Variants in CDK14 observed in about 807,000 individuals in gnomAD.
CDK14 encodes the protein cyclin-dependent kinase 14.
A neutral mutation model predicts 60.7 loss-of-function variants in CDK14; 34 were observed. The ratio of observed to expected loss-of-function variants is 0.56; its 90% confidence interval spans 0.43 to 0.75. The LOEUF (loss-of-function observed/expected upper bound fraction) is 0.75. Among genes scored for constraint, CDK14 ranks in the 30% least tolerant of loss-of-function variants. The pLI, the probability that CDK14 is intolerant of heterozygous loss-of-function variation, is 0.00. For synonymous variants in CDK14, 197 were observed against 203.7 expected, an observed-to-expected ratio of 0.97 and a Z score of 0.28; for missense variants, 482 against 564.1, an observed-to-expected ratio of 0.85 and a Z score of 1.47.
At position 90,726,718 on chromosome 7, in the gene CDK14, G is replaced by A. The variant is rs1453304812; in HGVS notation, c.275G>A (p.Arg92Lys). Residue 92 changes from arginine to lysine, a missense_variant, in exon 3 of 15, where the codon AGG becomes AAG. Arg to Lys is a conservative substitution (Grantham distance 26). Coordinates refer to ENST00000380050, the MANE Select transcript of CDK14 (RefSeq NM_001287135.2). Reference protein sequence around the residue: ...PFEKPANQVKRVHSENNACIN... With the variant: ...PFEKPANQVKKVHSENNACIN... The stretch of plus-strand genomic sequence containing the variant: ...GAGAAACCAGCTAATCAAGTAAAGA[G>A]GGTGCATTCTGAGAACAATGCTTGC... 4.3e-6 allele frequency: 7 copies of A among 1,613,744 alleles called. No homozygotes were observed. The highest frequency in any genetic ancestry group is 5.9e-6 in the Non-Finnish European group (7 of 1,179,824).
rs1267435147 is a variant in CDK14 at position 90,963,121 on chromosome 7, G to GTGTGTT, written c.947+7307_947+7308insGTTTGT. On this transcript the variant is annotated intron_variant, in intron 9 of 14. Coordinates refer to ENST00000380050, the MANE Select transcript of CDK14 (RefSeq NM_001287135.2). ...TGTGTGTGTGTGTGTGTGTGTGTGT[G>GTGTGTT]TGTTTTAATTTAGAAATATATAGGC... Among the ~76,000 whole-genome samples, 45 of 142,342 alleles carry GTGTGTT rather than the reference G, an allele frequency of 3.2e-4. 1 individual carries two copies. The highest frequency in any genetic ancestry group is 9.8e-4 in the African/African-American group (38 of 38,594). 93.4% of individuals were successfully genotyped at this position (142,342 alleles called of 152,430 possible).
chr7:90,720,506 A>C (rs1484495706), intron 2 of CDK14, among the ~76,000 whole-genome samples: 1 of 152,172 alleles, frequency 6.6e-6, no homozygotes, highest in Admixed American at 6.5e-5. Flanking sequence ...GTAATTTTGA[A>C]AACCAATTTG....
chr7:90,936,463 T>A (rs1320685919), intron 8 of CDK14, among the ~76,000 whole-genome samples: 19 of 152,202 alleles, frequency 1.2e-4, no homozygotes, highest in Non-Finnish European at 2.6e-4. Flanking sequence ...ACTACTAAGA[T>A]TTTTAATGAA....
chr7:90,848,296 A>G (rs1189960794), intron 5 of CDK14, among the ~76,000 whole-genome samples: 2 of 152,008 alleles, frequency 1.3e-5, no homozygotes, highest in Non-Finnish European at 2.9e-5. Flanking sequence ...AGGTTTCACC[A>G]TGTTGGCCAG....
intron 8 of CDK14, among the ~76,000 whole-genome samples, chr7:90,950,401 A>G (rs141516509): frequency 6.6e-6 from 1 of 152,316 alleles, no homozygotes; most frequent in East Asian, 1.9e-4. Flanking sequence ...ATAAAGGTAG[A>G]TCATTTATTG....
chr7:90,854,384 C>A (rs538068574), intron 5 of CDK14, among the ~76,000 whole-genome samples: 6 of 152,142 alleles, frequency 3.9e-5, no homozygotes, highest in Non-Finnish European at 8.8e-5. Flanking sequence ...ACAACAACAA[C>A]AACAAAACAT....
intron 2 of CDK14, among the ~76,000 whole-genome samples, chr7:90,604,656 A>G (rs1416044633): frequency 6.6e-6 from 1 of 152,160 alleles, no homozygotes; most frequent in Non-Finnish European, 1.5e-5. Flanking sequence ...TCGATGCCAC[A>G]TATTGTCTGT....
At chr7:90,637,162 C>G (rs1444853351) in intron 2 of CDK14, among the ~76,000 whole-genome samples, 2 of 151,820 alleles carry the variant, frequency 1.3e-5, no homozygotes, top group South Asian at 4.2e-4. Flanking sequence ...TTAGTTATTT[C>G]TTGCCTTCTG....
chr7:90,649,093 C>G (rs1227573072), intron 2 of CDK14, among the ~76,000 whole-genome samples: 1 of 152,096 alleles, frequency 6.6e-6, no homozygotes, highest in Admixed American at 6.6e-5. Context: ...AATTATGCTT[C>G]CCAGATTCAC....
chr7:90,668,717 T>C (rs1239916788), intron 2 of CDK14, among the ~76,000 whole-genome samples: 1 of 141,036 alleles, frequency 7.1e-6, no homozygotes, highest in Non-Finnish European at 1.5e-5. Flanking sequence ...TTTTTTTTTT[T>C]TTTTTTTTTC....
chr7:90,733,011 A>C (rs1183491770), intron 3 of CDK14, among the ~76,000 whole-genome samples: 4 of 151,868 alleles, frequency 2.6e-5, no homozygotes, highest in African/African-American at 9.7e-5. Flanking sequence ...ACTGCTTTAA[A>C]TGTGTCCTGG....
In CDK14 at chr7:91,044,169, G is replaced by A. The variant is rs576262785; in HGVS notation, c.1042-1728G>A. On this transcript the variant is annotated intron_variant, in intron 10 of 14. Transcript: ENST00000380050. ...CTGCAGCTGGGTTTTATGCATTTTA[G>A]CGAAACATGCGACATCAATCAATAC... Among the ~76,000 whole-genome samples, 8 of 152,302 alleles carry A rather than the reference G, an allele frequency of 5.3e-5. No individual in the cohort carries two copies. In the South Asian group the frequency reaches 1.7e-3, roughly 32 times the overall value.
At chr7:90,871,724 T>C (rs1187206356) in intron 6 of CDK14, among the ~76,000 whole-genome samples, 1 of 152,196 alleles carries the variant, frequency 6.6e-6, no homozygotes, top group East Asian at 1.9e-4. Context: ...ATTTAGGTTA[T>C]GTGCTGCCAA....
At chr7:90,864,031 T>A (rs1791095552) in intron 6 of CDK14, among the ~76,000 whole-genome samples, 1 of 152,122 alleles carries the variant, frequency 6.6e-6, no homozygotes, top group African/African-American at 2.4e-5. Context: ...TGCAGACATT[T>A]ATTTAGAATA....
At chr7:91,057,940 A>C (rs1404173364) in intron 11 of CDK14, among the ~76,000 whole-genome samples, 2 of 152,058 alleles carry the variant, frequency 1.3e-5, no homozygotes, top group South Asian at 2.1e-4. Flanking sequence ...CAATTCTGTG[A>C]AGAAAGTCAT....
Position 90,636,089 on chromosome 7 carries a change from A to G in CDK14, c.123+31840A>G, listed in dbSNP as rs1399085983. On this transcript the variant is annotated intron_variant, in intron 2 of 14. Transcript: ENST00000380050. ...ATCATGTCATCTGCAAACAGGGACAATTTGACTTCCTCTTTTCCTAATTGA... is the reference window on the plus strand; with the variant it reads ...ATCATGTCATCTGCAAACAGGGACAGTTTGACTTCCTCTTTTCCTAATTGA... 4.7e-5 allele frequency among the ~76,000 whole-genome samples: 7 copies of G among 149,654 alleles called. 1 individual carries two copies. The highest frequency in any genetic ancestry group is 2.0e-4 in the East Asian group (1 of 4,956).
intron 2 of CDK14, among the ~76,000 whole-genome samples, chr7:90,611,530 C>T (rs925075932): frequency 2.0e-5 from 3 of 152,322 alleles, no homozygotes; most frequent in East Asian, 1.9e-4. Context: ...TCTCCAACCC[C>T]GCATCCAGGT....
chr7:90,649,568 G>A (rs777640421), intron 2 of CDK14, among the ~76,000 whole-genome samples: 3 of 149,926 alleles, frequency 2.0e-5, no homozygotes, highest in South Asian at 2.1e-4. Flanking sequence ...CCATTAACTC[G>A]TCATTTACAT....
intron 12 of CDK14, among the ~76,000 whole-genome samples, chr7:91,102,150 A>C (rs1285566769): frequency 6.6e-6 from 1 of 152,158 alleles, no homozygotes; most frequent in East Asian, 1.9e-4. Context: ...AGAGATGTGC[A>C]CTGTCAATTG....
Sources: allele counts gnomAD v4.1 joint callset (sites outside exome capture counted in the v4.1 genomes callset), GRCh38; gene constraint gnomAD v4.1.1; transcripts MANE v1.5; gene names NCBI Gene and HGNC (gene_info 2026-07-23, HGNC 2026-07-21).